The following PDS5B variants were observed in gnomAD, a reference collection of about 807,000 sequenced individuals.
The protein encoded by PDS5B is PDS5 cohesin associated factor B.
In PDS5B, 51 loss-of-function variants were observed where a neutral mutation model predicts 184.1. The ratio of observed to expected loss-of-function variants is 0.28; its 90% confidence interval spans 0.22 to 0.35. The LOEUF (loss-of-function observed/expected upper bound fraction) is 0.35, where lower values mean the gene tolerates loss of function less well. PDS5B is among the 10% of genes least tolerant of loss of function. The probability of loss-of-function intolerance (pLI) is 1.00; values close to 1 mark genes in which losing one functional copy is unlikely to be tolerated. For missense variants in PDS5B, 1,180 were observed against 1,723.3 expected (o/e 0.68, Z 5.58); for synonymous variants, 566 against 569.2 (o/e 0.99, Z 0.08).
chr13:32,732,888 A>G (rs1262620648), intron 20 of PDS5B, among the ~76,000 whole-genome samples: 5 of 152,098 alleles, frequency 3.3e-5, no homozygotes, highest in Admixed American at 3.3e-4. Flanking sequence ...CAATTTAGAA[A>G]TTATTCTGAT....
rs1274879984 is a variant in PDS5B at position 32,688,556 on chromosome 13, T to A, written c.1456T>A (p.Leu486Ile). Residue 486 changes from leucine to isoleucine, a missense_variant, in exon 13 of 35, where the codon TTA becomes ATA. Leu to Ile is a conservative substitution (Grantham distance 5, BLOSUM62 2). Coordinates refer to ENST00000315596, the MANE Select transcript of PDS5B (RefSeq NM_015032.4). Reference sequence around the variant, plus strand: ...ATATTACTTGTATGCCACACTGGATTTAAATGCTGTGAAGTATGTTTCAAA... The same window carrying A: ...ATATTACTTGTATGCCACACTGGATATAAATGCTGTGAAGTATGTTTCAAA... ...CLYYLYATLD[L>I]NAVKALNEMW... 8 of 1,556,716 alleles carry A rather than the reference T, an allele frequency of 5.1e-6. No individual in the cohort carries two copies. Among genetic ancestry groups the A allele is most frequent in the Non-Finnish European group, 6.2e-6 (7 of 1,128,008 alleles).
At chr13:32,762,176 A>G (rs1440252957) in intron 30 of PDS5B, among the ~76,000 whole-genome samples, 3 of 152,178 alleles carry the variant, frequency 2.0e-5, no homozygotes, top group Admixed American at 6.5e-5. Context: ...ACAAAAGGAA[A>G]ATTAATTCAT....
chr13:32,758,470 C>G, intron 27 of PDS5B, 64 bp from the exon 28 acceptor site: 1 of 1,451,034 alleles, frequency 6.9e-7, no homozygotes, highest in South Asian at 1.3e-5. Context: ...TGAAATTATT[C>G]CTAGTTTACA....
At position 32,611,035 on chromosome 13, in the gene PDS5B, G is replaced by A. The variant is rs371370030; in HGVS notation, c.-20+24442G>A. ...AGTAGTGTTAATCTTTATGGTTTAA[G>A]TTCCCAAATATAATAATTATGAATT... On this transcript the variant is annotated intron_variant, in intron 1 of 34. Coordinates refer to ENST00000315596, the MANE Select transcript of PDS5B (RefSeq NM_015032.4). Among the ~76,000 whole-genome samples the A allele has an allele frequency of 5.3e-5, 8 of 151,196 alleles. No homozygotes were observed. In the East Asian group the frequency reaches 1.4e-3, roughly 26 times the overall value.
At chr13:32,593,134 T>C (rs997991738) in intron 1 of PDS5B, among the ~76,000 whole-genome samples, 7 of 152,228 alleles carry the variant, frequency 4.6e-5, no homozygotes, top group African/African-American at 1.7e-4. Flanking sequence ...GAGAATATTA[T>C]GGGGGCTCCT....
chr13:32,600,018 T>G (rs2057948349), intron 1 of PDS5B, among the ~76,000 whole-genome samples: 1 of 152,160 alleles, frequency 6.6e-6, no homozygotes, highest in Admixed American at 6.5e-5. Context: ...GAGTATGTAT[T>G]AATTTTTTTC....
chr13:32,773,273 C>A lies in PDS5B; in HGVS notation c.4257C>A (p.Val1419=), dbSNP rs373741028. The change falls in exon 34 of 35, where the codon GTC becomes GTA. Residue 1419 remains valine (V), a synonymous_variant. Transcript: ENST00000315596. ...ATGTGTTTCAGGGTAGCTCTCCTGTCGATGATATTCCACAGGAAGAAACAG... is the reference window on the plus strand; with the variant it reads ...ATGTGTTTCAGGGTAGCTCTCCTGTAGATGATATTCCACAGGAAGAAACAG... ...EVDVFQGSSP[V]DDIPQEETEE... is the part of the protein sequence containing the mutation. The A allele has an allele frequency of 3.7e-6, 6 of 1,612,110 alleles. No individual in the cohort carries two copies. The African/African-American group carries it at 6.7e-5, about 18-fold the overall frequency.
At chr13:32,623,892 A>G (rs756212303) in intron 1 of PDS5B, among the ~76,000 whole-genome samples, 2 of 150,446 alleles carry the variant, frequency 1.3e-5, no homozygotes, top group Non-Finnish European at 3.0e-5. Flanking sequence ...GCTCACTGCA[A>G]CCTCCACCTC....
chr13:32,744,024 C>T (rs1450760890), intron 23 of PDS5B, among the ~76,000 whole-genome samples: 2 of 151,956 alleles, frequency 1.3e-5, no homozygotes, highest in Admixed American at 6.6e-5. Flanking sequence ...TTATATTCAG[C>T]TATATAAACT....
At chr13:32,696,262 C>G (rs1471778037) in intron 14 of PDS5B, among the ~76,000 whole-genome samples, 1 of 152,014 alleles carries the variant, frequency 6.6e-6, no homozygotes, top group African/African-American at 2.4e-5. Flanking sequence ...TAAAATAACA[C>G]TACTCTGATG....
At chr13:32,751,448 A>G (rs777054389) in intron 24 of PDS5B, among the ~76,000 whole-genome samples, 1 of 152,222 alleles carries the variant, frequency 6.6e-6, no homozygotes, top group Non-Finnish European at 1.5e-5. Context: ...GCTTTCCGCA[A>G]TGGCTAAACT....
chr13:32,730,892 A>G (rs1429709205), intron 19 of PDS5B, among the ~76,000 whole-genome samples: 1 of 152,186 alleles, frequency 6.6e-6, no homozygotes, highest in Non-Finnish European at 1.5e-5. Context: ...TTATCTGCAA[A>G]CAGTGACTAT....
chr13:32,688,957 A>G (rs1951472238), intron 13 of PDS5B: 1 of 200,822 alleles, frequency 5.0e-6, no homozygotes, highest in Non-Finnish European at 1.0e-5. Context: ...TACGGTGGAG[A>G]GCAGTAGGCT....
chr13:32,590,920 A>G (rs1411162930), intron 1 of PDS5B, among the ~76,000 whole-genome samples: 1 of 151,810 alleles, frequency 6.6e-6, no homozygotes, highest in Non-Finnish European at 1.5e-5. Context: ...TAGAGTACCT[A>G]AAGAATTGTG....
At chr13:32,712,211 A>G (rs1952231158) in intron 19 of PDS5B, among the ~76,000 whole-genome samples, 1 of 152,264 alleles carries the variant, frequency 6.6e-6, no homozygotes, top group African/African-American at 2.4e-5. Context: ...AACAGGGTCA[A>G]AAGGTGGACA....
chr13:32,764,991 C>A lies in PDS5B; in HGVS notation c.3624+397C>A, dbSNP rs139649687. ...AAAACTTCTTTCATTTAATTTATTTCTTGAGCCTTTTACTAAATAAGCTGC... is the reference window on the plus strand; with the variant it reads ...AAAACTTCTTTCATTTAATTTATTTATTGAGCCTTTTACTAAATAAGCTGC... On this transcript the variant is annotated intron_variant, in intron 31 of 34. Coordinates refer to ENST00000315596, the MANE Select transcript of PDS5B (RefSeq NM_015032.4). Among the ~76,000 whole-genome samples, 1,254 of 152,160 alleles carry A rather than the reference C, an allele frequency of 8.2e-3. 12 individuals carry two copies. The highest frequency in any genetic ancestry group is 0.02 in the African/African-American group (839 of 41,536).
chr13:32,725,808 G>A (rs1425660986), intron 19 of PDS5B, among the ~76,000 whole-genome samples: 3 of 152,030 alleles, frequency 2.0e-5, no homozygotes, highest in Non-Finnish European at 4.4e-5. Flanking sequence ...TCTCATGATA[G>A]CAGTAGCACC....
At chr13:32,607,461 G>T (rs1442713512) in intron 1 of PDS5B, among the ~76,000 whole-genome samples, 2 of 152,248 alleles carry the variant, frequency 1.3e-5, no homozygotes, top group African/African-American at 2.4e-5. Context: ...TGAGGTGTCA[G>T]TCGGCCCCTA....
At chr13:32,756,347 A>G (rs561772722) in intron 26 of PDS5B, among the ~76,000 whole-genome samples, 6 of 152,296 alleles carry the variant, frequency 3.9e-5, no homozygotes, top group Admixed American at 6.5e-5. Flanking sequence ...TGCAATAACT[A>G]TCTTCCTCTG....
Sources: gnomAD v4.1 joint callset for allele counts (sites outside exome capture counted in the v4.1 genomes callset) on GRCh38, gnomAD v4.1.1 for gene constraint, MANE v1.5 for transcripts, NCBI Gene and HGNC (gene_info 2026-07-23, HGNC 2026-07-21) for gene names.